CCDC50: variants seen among roughly 807,000 people sequenced by gnomAD.
The protein encoded by CCDC50 is coiled-coil domain-containing protein 50.
In CCDC50, 54 loss-of-function variants were observed where a neutral mutation model predicts 70.2. That is an observed-to-expected ratio of 0.77 (90% confidence interval 0.62 to 0.96). CCDC50 has a LOEUF of 0.96. Among genes scored for constraint, CCDC50 ranks in the 50% least tolerant of loss-of-function variants. The pLI, the probability that CCDC50 is intolerant of heterozygous loss-of-function variation, is 0.00. For synonymous variants in CCDC50, 216 were observed against 198.8 expected (o/e 1.09, Z -0.73); for missense variants, 558 against 578.7 (o/e 0.96, Z 0.37).
chr3:191,380,951 G>A lies in CCDC50; in HGVS notation c.1242+19G>A. Reference sequence around the variant, plus strand: ...GTGGAAGGTAGAGTGTGTTTTGTTTGTTTTCTAATTAGAAATAAAATTAGA... The same window carrying A: ...GTGGAAGGTAGAGTGTGTTTTGTTTATTTTCTAATTAGAAATAAAATTAGA... On this transcript the variant is annotated intron_variant, in intron 9 of 11. Coordinates refer to ENST00000392455, the MANE Select transcript of CCDC50 (RefSeq NM_178335.3). 2 of 1,589,402 alleles carry A rather than the reference G, an allele frequency of 1.3e-6. No homozygotes were observed. The highest frequency in any genetic ancestry group is 1.7e-6 in the Non-Finnish European group (2 of 1,162,368).
At chr3:191,374,594 A>C (rs1371760250) in intron 5 of CCDC50, among the ~76,000 whole-genome samples, 2 of 152,204 alleles carry the variant, frequency 1.3e-5, no homozygotes, top group Non-Finnish European at 2.9e-5. Flanking sequence ...GAAACTAGCA[A>C]TATTCTGATA....
At position 191,349,248 on chromosome 3, in the gene CCDC50, G is replaced by T. The variant is rs1380031860; in HGVS notation, c.50-7840G>T. Among the ~76,000 whole-genome samples the T allele has an allele frequency of 1.4e-5, 2 of 142,336 alleles. 1 individual carries two copies. Among genetic ancestry groups the T allele is most frequent in the Non-Finnish European group, 3.2e-5 (2 of 63,150 alleles). 93.4% of individuals were successfully genotyped at this position (142,336 alleles called of 152,430 possible). A position where few individuals can be genotyped will look rare whatever the true frequency, so the allele number is the denominator to read the frequency against. ...CTCTGAATCCCATTTCTCTTTTACT[G>T]TGGTAATTTTATTAGAACTTTTAAT... On this transcript the variant is annotated intron_variant, in intron 1 of 11. Transcript: ENST00000392455.
chr3:191,344,968 C>T (rs895609595), intron 1 of CCDC50, among the ~76,000 whole-genome samples: 3 of 152,202 alleles, frequency 2.0e-5, no homozygotes, highest in African/African-American at 7.2e-5. Flanking sequence ...TGCACATCCA[C>T]ATCTTCAAAA....
At chr3:191,339,965 A>G (rs762208883) in intron 1 of CCDC50, among the ~76,000 whole-genome samples, 1 of 152,220 alleles carries the variant, frequency 6.6e-6, no homozygotes, top group Non-Finnish European at 1.5e-5. Context: ...GAAGAAAGCA[A>G]TATTTGGTGT....
chr3:191,354,328 G>T (rs1483188066), intron 1 of CCDC50, among the ~76,000 whole-genome samples: 1 of 152,060 alleles, frequency 6.6e-6, no homozygotes, highest in Non-Finnish European at 1.5e-5. Flanking sequence ...TTGGAGTTAA[G>T]TTTGTGTCAG....
intron 6 of CCDC50, among the ~76,000 whole-genome samples, chr3:191,379,073 G>A (rs1290930358): frequency 6.6e-6 from 1 of 151,856 alleles, no homozygotes; most frequent in Admixed American, 6.6e-5. Flanking sequence ...GTGTGGTGAG[G>A]GATTTTGACA....
Position 191,389,616 on chromosome 3 carries a change from G to A in CCDC50, c.1429+14G>A. The A allele has an allele frequency of 1.9e-6, 3 of 1,574,730 alleles. No individual in the cohort carries two copies. Among genetic ancestry groups the A allele is most frequent in the Non-Finnish European group, 2.6e-6 (3 of 1,144,174 alleles). On this transcript the variant is annotated intron_variant, in intron 11 of 11. Coordinates refer to ENST00000392455, the MANE Select transcript of CCDC50 (RefSeq NM_178335.3). ...CCTCTCATAAAGGTAAGAAGAGTAT[G>A]TATGGTCAAGTTTAGGATCTTCTTT...
At chr3:191,380,796 GCAGTTA>G in intron 8 of CCDC50, 26 bp from the exon 9 acceptor site, 2 of 1,605,242 alleles carry the variant, frequency 1.2e-6, no homozygotes, top group African/African-American at 1.3e-5. Flanking sequence ...CTGCACCTCT[GCAGTTA>G]ATGATATTGA....
intron 4 of CCDC50, among the ~76,000 whole-genome samples, chr3:191,368,458 T>A (rs1712778752): frequency 6.6e-6 from 1 of 152,034 alleles, no homozygotes; most frequent in Non-Finnish European, 1.5e-5. Flanking sequence ...TGGCATAAAG[T>A]CAGATTTGTA....
intron 4 of CCDC50, among the ~76,000 whole-genome samples, chr3:191,365,528 T>C (rs1219818504): frequency 6.6e-6 from 1 of 152,088 alleles, no homozygotes; most frequent in East Asian, 1.9e-4. Context: ...ATACTGATGT[T>C]TTTACATCCA....
chr3:191,364,461 G>GA (rs1712610059), intron 4 of CCDC50, among the ~76,000 whole-genome samples: 1 of 151,794 alleles, frequency 6.6e-6, no homozygotes, highest in Admixed American at 6.6e-5. Context: ...CAGGGCTGTG[G>GA]AAAATCTCTC....
chr3:191,332,396 T>C (rs73201627), intron 1 of CCDC50, among the ~76,000 whole-genome samples: 3 of 152,112 alleles, frequency 2.0e-5, no homozygotes, highest in African/African-American at 7.2e-5. Flanking sequence ...GTGAAAAGAA[T>C]CAAGTCAACT....
At chr3:191,358,389 A>C (rs1712367784) in intron 3 of CCDC50, among the ~76,000 whole-genome samples, 1 of 152,162 alleles carries the variant, frequency 6.6e-6, no homozygotes, top group Non-Finnish European at 1.5e-5. Context: ...CAGTTAGTCA[A>C]CTTCTCTGAA....
chr3:191,377,130 A>G (rs754486721), intron 6 of CCDC50, among the ~76,000 whole-genome samples: 9 of 152,192 alleles, frequency 5.9e-5, no homozygotes, highest in Non-Finnish European at 7.3e-5. Flanking sequence ...CGACTACAAC[A>G]TGAGCTGCTG....
intron 1 of CCDC50, among the ~76,000 whole-genome samples, chr3:191,334,925 TGAACTGTAG>T (rs1718093335): frequency 6.6e-6 from 1 of 152,146 alleles, no homozygotes; most frequent in South Asian, 2.1e-4. Context: ...AATTACTGAG[TGAACTGTAG>T]GAAGTCACAC....
rs1336073454 is a variant in CCDC50 at position 191,361,151 on chromosome 3, A to G, written c.322A>G (p.Lys108Glu). ...AGAGAGACGACGCATTCAGGAGAAG[A>G]AGGATGAGGTATAACTTAGTTACTG... ...EAERRRIQEK[K>E]DEDIARLLQE... The change falls in exon 4 of 12, where the codon AAG becomes GAG. Residue 108 changes from lysine (K) to glutamate (E), a missense_variant. Transcript: ENST00000392455. 2 of 1,612,360 alleles carry G rather than the reference A, an allele frequency of 1.2e-6. No homozygotes were observed. Among genetic ancestry groups the G allele is most frequent in the Non-Finnish European group, 1.7e-6 (2 of 1,178,574 alleles).
rs780290105 is a variant in CCDC50 at position 191,358,065 on chromosome 3, G to A, written c.180G>A (p.Lys60=). The part of the protein sequence containing the change: ...RLVQHDLQVA[K]QLQEEDLKAQ... ...TCCAGCATGATCTCCAGGTGGCTAA[G>A]CAGCTCCAAGAGGAAGATCTGAAAG... Residue 60 remains lysine, a synonymous_variant, in exon 3 of 12, where the codon AAG becomes AAA. Coordinates refer to ENST00000392455, the MANE Select transcript of CCDC50 (RefSeq NM_178335.3). The A allele has an allele frequency of 1.9e-6, 3 of 1,614,018 alleles. No individual in the cohort carries two copies. The highest frequency in any genetic ancestry group is 2.2e-5 in the South Asian group (2 of 91,080).
intron 10 of CCDC50, among the ~76,000 whole-genome samples, chr3:191,384,572 T>A (rs903160841): frequency 3.3e-5 from 5 of 152,204 alleles, no homozygotes; most frequent in Non-Finnish European, 1.5e-5. Flanking sequence ...TATGTAGAGC[T>A]TGTAATACTT....
intron 3 of CCDC50, among the ~76,000 whole-genome samples, chr3:191,359,851 A>G (rs1047193054): frequency 6.6e-6 from 1 of 152,200 alleles, no homozygotes; most frequent in Admixed American, 6.5e-5. Context: ...AGATGTTTAA[A>G]ATCCTGAATT....
Sources: gnomAD v4.1 joint callset for allele counts (sites outside exome capture counted in the v4.1 genomes callset) on GRCh38, gnomAD v4.1.1 for gene constraint, MANE v1.5 for transcripts, NCBI Gene and HGNC (gene_info 2026-07-23, HGNC 2026-07-21) for gene names.